Variants in ZFAND4 observed in about 807,000 individuals in gnomAD.
ZFAND4 encodes the protein AN1-type zinc finger protein 4.
Under a neutral mutation model 64.4 loss-of-function variants are expected in ZFAND4, and 43 were observed. The ratio of observed to expected loss-of-function variants is 0.67; its 90% confidence interval spans 0.52 to 0.86. ZFAND4 has a LOEUF of 0.86. ZFAND4 is among the 40% of genes least tolerant of loss of function. The pLI, the probability that ZFAND4 is intolerant of heterozygous loss-of-function variation, is 0.00. For missense variants in ZFAND4, 929 were observed against 859.8 expected, an observed-to-expected ratio of 1.08 and a Z score of -1.01; for synonymous variants, 296 against 305.7, an observed-to-expected ratio of 0.97 and a Z score of 0.33.
intron 6 of ZFAND4, among the ~76,000 whole-genome samples, chr10:45,638,717 AAAAG>A (rs2046790485): frequency 6.6e-6 from 1 of 152,218 alleles, no homozygotes; most frequent in Non-Finnish European, 1.5e-5. Context: ...CATCAAAAGG[AAAAG>A]AAAGAAGCAA....
At position 45,670,139 on chromosome 10, in the gene ZFAND4, C is replaced by T. The variant is rs571580038; in HGVS notation, c.-118+2111G>A. Among the ~76,000 whole-genome samples, 193 of 152,238 alleles carry T rather than the reference C, an allele frequency of 1.3e-3. 1 individual carries two copies. The highest frequency in any genetic ancestry group is 4.3e-3 in the African/African-American group (178 of 41,540). ...TTATACATTTAGAAAACCCCATCGT[C>T]CCAACCCAAAATCTCCTTAAGCTGA... On this transcript the variant is annotated intron_variant, in intron 1 of 9. Transcript: ENST00000344646.
At chr10:45,658,272 T>G (rs2048260595) in intron 2 of ZFAND4, among the ~76,000 whole-genome samples, 1 of 152,140 alleles carries the variant, frequency 6.6e-6, no homozygotes, top group African/African-American at 2.4e-5. Flanking sequence ...GATTATCACA[T>G]GAGAAGACCA....
intron 6 of ZFAND4, among the ~76,000 whole-genome samples, chr10:45,630,150 CT>C (rs1232109585): frequency 6.6e-6 from 1 of 152,020 alleles, no homozygotes; most frequent in African/African-American, 2.4e-5. Context: ...AACATTTTAG[CT>C]AATGAAAATC....
At chr10:45,671,226 TTGG>T (rs1220506816) in intron 1 of ZFAND4, among the ~76,000 whole-genome samples, 2 of 152,232 alleles carry the variant, frequency 1.3e-5, no homozygotes, top group Non-Finnish European at 2.9e-5. Flanking sequence ...TTTTACACTG[TTGG>T]TGGGACTGTA....
At chr10:45,639,271 A>G (rs1179553789) in intron 6 of ZFAND4, among the ~76,000 whole-genome samples, 2 of 152,226 alleles carry the variant, frequency 1.3e-5, no homozygotes, top group Non-Finnish European at 2.9e-5. Flanking sequence ...CAAATGCCCA[A>G]TAAACATATG....
At chr10:45,671,844 C>T (rs940458628) in intron 1 of ZFAND4, among the ~76,000 whole-genome samples, 4 of 151,906 alleles carry the variant, frequency 2.6e-5, no homozygotes, top group African/African-American at 9.7e-5. Flanking sequence ...AAAATCAATT[C>T]CCAAAGCATT....
chr10:45,663,238 T>C (rs906596233), intron 2 of ZFAND4, among the ~76,000 whole-genome samples: 2 of 152,062 alleles, frequency 1.3e-5, no homozygotes, highest in Admixed American at 1.3e-4. Flanking sequence ...AAAGTAACTA[T>C]AAAATAGTTA....
intron 5 of ZFAND4, among the ~76,000 whole-genome samples, chr10:45,645,262 C>T (rs1423518864): frequency 6.6e-6 from 1 of 152,028 alleles, no homozygotes; most frequent in Admixed American, 6.6e-5. Flanking sequence ...GCCACCATGC[C>T]CTTTAAACAT....
chr10:45,666,578 T>C (rs1000355942), intron 1 of ZFAND4, among the ~76,000 whole-genome samples: 5 of 152,238 alleles, frequency 3.3e-5, no homozygotes, highest in African/African-American at 1.2e-4. Context: ...TTATCATACT[T>C]AAAAAGCTTG....
intron 8 of ZFAND4, among the ~76,000 whole-genome samples, chr10:45,620,247 G>A (rs969610659): frequency 2.0e-5 from 3 of 152,144 alleles, no homozygotes; most frequent in African/African-American, 7.2e-5. Context: ...ACTTTGGGAG[G>A]CCAAGGTGGG....
At chr10:45,637,286 G>T (rs947909623) in intron 6 of ZFAND4, among the ~76,000 whole-genome samples, 1 of 148,814 alleles carries the variant, frequency 6.7e-6, no homozygotes, top group East Asian at 2.0e-4. Context: ...GGTTGCAGTG[G>T]GCCAATATTG....
At chr10:45,653,496 A>C (rs992108067) in intron 2 of ZFAND4, among the ~76,000 whole-genome samples, 44 of 152,196 alleles carry the variant, frequency 2.9e-4, no homozygotes, top group African/African-American at 1.1e-3. Flanking sequence ...CCATTAAAAA[A>C]TGGGCAAAGG....
chr10:45,656,405 A>G (rs1405853847), intron 2 of ZFAND4, among the ~76,000 whole-genome samples: 1 of 150,780 alleles, frequency 6.6e-6, no homozygotes, highest in African/African-American at 2.4e-5. Flanking sequence ...CAGCCTGGCC[A>G]ATATGGTGAA....
At chr10:45,643,975 C>A (rs1430918681) in intron 5 of ZFAND4, among the ~76,000 whole-genome samples, 1 of 152,114 alleles carries the variant, frequency 6.6e-6, no homozygotes, top group East Asian at 1.9e-4. Context: ...AAATTTGTGT[C>A]CATAAATAAA....
chr10:45,649,137 G>A (rs1397362962), intron 4 of ZFAND4: 1 of 151,318 alleles, frequency 6.6e-6, no homozygotes, highest in African/African-American at 2.5e-5. Context: ...GGGCATGGTG[G>A]TGCGCACCTG....
At chr10:45,628,213 T>G (rs965742902) in intron 6 of ZFAND4, among the ~76,000 whole-genome samples, 1 of 152,094 alleles carries the variant, frequency 6.6e-6, no homozygotes, top group African/African-American at 2.4e-5. Context: ...ACAGAAGATA[T>G]AAAATATATG....
chr10:45,624,354 C>T (rs191644935), intron 8 of ZFAND4, among the ~76,000 whole-genome samples: 1 of 152,130 alleles, frequency 6.6e-6, no homozygotes, highest in Non-Finnish European at 1.5e-5. Context: ...ACATAGATAA[C>T]ACCTCTTCCA....
At chr10:45,631,261 G>A (rs1208778998) in intron 6 of ZFAND4, among the ~76,000 whole-genome samples, 2 of 150,238 alleles carry the variant, frequency 1.3e-5, no homozygotes, top group Non-Finnish European at 3.0e-5. Context: ...AGCTTGCAGT[G>A]CGCCGAGATC....
chr10:45,660,006 T>C (rs1214259222), intron 2 of ZFAND4, among the ~76,000 whole-genome samples: 1 of 151,950 alleles, frequency 6.6e-6, no homozygotes, highest in Non-Finnish European at 1.5e-5. Flanking sequence ...TGAAACCCCG[T>C]CTCTACTAAA....
Sources: allele counts gnomAD v4.1 joint callset (sites outside exome capture counted in the v4.1 genomes callset), GRCh38; gene constraint gnomAD v4.1.1; transcripts MANE v1.5; gene names NCBI Gene and HGNC (gene_info 2026-07-23, HGNC 2026-07-21).